ASTN2: variants seen among roughly 807,000 people sequenced by gnomAD.
The protein encoded by ASTN2 is astrotactin-2.
A neutral mutation model predicts 139.8 loss-of-function variants in ASTN2; 54 were observed. That is an observed-to-expected ratio of 0.39 (90% CI 0.31 to 0.48). ASTN2 has a LOEUF of 0.48. ASTN2 is among the 20% of genes least tolerant of loss of function. The pLI, the probability that ASTN2 is intolerant of heterozygous loss-of-function variation, is 0.95. For missense variants in ASTN2, 1,565 were observed against 1,725.1 expected, an observed-to-expected ratio of 0.91 and a Z score of 1.64; for synonymous variants, 756 against 719.5, an observed-to-expected ratio of 1.05 and a Z score of -0.81.
At chr9:116,470,465 T>G (rs1002012748) in intron 20 of ASTN2, among the ~76,000 whole-genome samples, 2 of 152,170 alleles carry the variant, frequency 1.3e-5, no homozygotes, top group Non-Finnish European at 2.9e-5. Context: ...TGGCATGGCT[T>G]TTGGTAAATT....
chr9:117,303,131 C>A (rs539064784), intron 1 of ASTN2, among the ~76,000 whole-genome samples: 3 of 152,126 alleles, frequency 2.0e-5, no homozygotes, highest in Admixed American at 1.3e-4. Flanking sequence ...CCTGACTTCA[C>A]GAACTTCACC....
intron 5 of ASTN2, among the ~76,000 whole-genome samples, chr9:117,059,686 C>G (rs970925464): frequency 6.6e-6 from 1 of 152,046 alleles, no homozygotes; most frequent in African/African-American, 2.4e-5. Context: ...ACAGACTAAC[C>G]TAGTAAGATA....
chr9:116,550,602 G>A (rs1008231943), intron 19 of ASTN2, among the ~76,000 whole-genome samples: 1 of 152,110 alleles, frequency 6.6e-6, no homozygotes, highest in African/African-American at 2.4e-5. Context: ...ATAAGAATGC[G>A]TCCAACAGTG....
chr9:116,833,084 A>C (rs1197246481), intron 11 of ASTN2, among the ~76,000 whole-genome samples: 2 of 152,096 alleles, frequency 1.3e-5, no homozygotes, highest in African/African-American at 2.4e-5. Context: ...AAATTTCCTT[A>C]ATAGTTATAG....
intron 17 of ASTN2, among the ~76,000 whole-genome samples, chr9:116,634,217 T>C (rs997872567): frequency 6.6e-6 from 1 of 152,162 alleles, no homozygotes; most frequent in Admixed American, 6.5e-5. Flanking sequence ...TATATAAATA[T>C]CCACATATAC....
At chr9:116,459,768 T>C (rs1257347851) in intron 20 of ASTN2, among the ~76,000 whole-genome samples, 1 of 151,860 alleles carries the variant, frequency 6.6e-6, no homozygotes, top group East Asian at 1.9e-4. Context: ...TTAGCAAGGA[T>C]ATGGAGAAAT....
intron 13 of ASTN2, among the ~76,000 whole-genome samples, chr9:116,774,899 G>A (rs1353462684): frequency 6.6e-6 from 1 of 152,006 alleles, no homozygotes; most frequent in Non-Finnish European, 1.5e-5. Flanking sequence ...TACACACATG[G>A]GCACATGCTC....
chr9:117,157,320 G>A (rs926904671), intron 3 of ASTN2, among the ~76,000 whole-genome samples: 14 of 151,918 alleles, frequency 9.2e-5, no homozygotes, highest in Non-Finnish European at 1.0e-4. Context: ...AAAGACACAT[G>A]GATCCAAGTT....
intron 20 of ASTN2, among the ~76,000 whole-genome samples, chr9:116,446,975 A>C (rs549634610): frequency 1.3e-5 from 2 of 152,296 alleles, no homozygotes; most frequent in South Asian, 4.1e-4. Context: ...CCTTAGGACA[A>C]AGTCCATCAC....
intron 16 of ASTN2, among the ~76,000 whole-genome samples, chr9:116,704,376 A>G (rs893360483): frequency 7.2e-5 from 11 of 152,220 alleles, no homozygotes; most frequent in African/African-American, 2.7e-4. Context: ...CCAACTTGAT[A>G]TAATTGCTTC....
chr9:116,516,551 C>T (rs574554186), intron 19 of ASTN2, among the ~76,000 whole-genome samples: 2 of 152,296 alleles, frequency 1.3e-5, no homozygotes, highest in African/African-American at 2.4e-5. Flanking sequence ...CGTGGGGAGA[C>T]TCATATTGTG....
At chr9:116,619,239 C>G (rs556184274) in intron 18 of ASTN2, among the ~76,000 whole-genome samples, 10 of 152,162 alleles carry the variant, frequency 6.6e-5, no homozygotes, top group African/African-American at 2.4e-4. Context: ...GGTTCCTGCC[C>G]CCTCTTATGC....
At chr9:117,134,266 TTATA>T (rs5900267) in intron 4 of ASTN2, among the ~76,000 whole-genome samples, 1,091 of 92,570 alleles carry the variant, frequency 0.012, 27 homozygotes, top group African/African-American at 0.04. Context: ...CTAATGAAAA[TTATA>T]TATATATATA....
chr9:117,157,382 C>T (rs1830455590), intron 3 of ASTN2, among the ~76,000 whole-genome samples: 1 of 151,986 alleles, frequency 6.6e-6, no homozygotes, highest in Admixed American at 6.6e-5. Context: ...CAGAGTCAGT[C>T]CTCAAAAGAG....
intron 17 of ASTN2, among the ~76,000 whole-genome samples, chr9:116,621,368 A>AT (rs1272372355): frequency 6.6e-6 from 1 of 151,888 alleles, no homozygotes; most frequent in Non-Finnish European, 1.5e-5. Context: ...ATGATAATCA[A>AT]TGTTCTATTT....
At chr9:116,839,340 A>T (rs10817942) in intron 11 of ASTN2, among the ~76,000 whole-genome samples, 29,864 of 151,900 alleles carry the variant, frequency 0.2, 3,299 homozygotes, top group East Asian at 0.5. Flanking sequence ...TATTTTTTTT[A>T]AAACAACAGC....
At chr9:116,866,329 T>C (rs1253211084) in intron 10 of ASTN2, among the ~76,000 whole-genome samples, 1 of 152,150 alleles carries the variant, frequency 6.6e-6, no homozygotes, top group Non-Finnish European at 1.5e-5. Flanking sequence ...TCTCCCCAAC[T>C]CTGGGTCCCC....
chr9:116,483,381 G>A (rs957165180), intron 20 of ASTN2, among the ~76,000 whole-genome samples: 2 of 152,160 alleles, frequency 1.3e-5, no homozygotes, highest in Non-Finnish European at 2.9e-5. Context: ...TTACCCTGTG[G>A]CACTGTGTAA....
intron 4 of ASTN2, among the ~76,000 whole-genome samples, chr9:117,115,011 A>T (rs944745422): frequency 6.6e-6 from 1 of 152,164 alleles, no homozygotes; most frequent in Non-Finnish European, 1.5e-5. Flanking sequence ...GGCTACAACT[A>T]TATGAGACAC....
Sources: gnomAD v4.1 joint callset for allele counts (sites outside exome capture counted in the v4.1 genomes callset) on GRCh38, gnomAD v4.1.1 for gene constraint, MANE v1.5 for transcripts, NCBI Gene and HGNC (gene_info 2026-07-23, HGNC 2026-07-21) for gene names.